ZMYM2: variants seen among roughly 807,000 people sequenced by gnomAD.
ZMYM2 encodes zinc finger MYM-type protein 2.
A neutral mutation model predicts 162.8 loss-of-function variants in ZMYM2; 56 were observed. The ratio of observed to expected loss-of-function variants is 0.34; its 90% CI spans 0.28 to 0.43. ZMYM2 has a LOEUF of 0.43. Ranked by LOEUF, ZMYM2 falls within the 20% of genes least tolerant of loss-of-function variation. ZMYM2 has a pLI of 1.00. For missense variants in ZMYM2, 1,275 were observed against 1,621.8 expected (o/e 0.79, Z 3.67); for synonymous variants, 510 against 541.6 (o/e 0.94, Z 0.81).
the ZMYM2 span, among the ~76,000 whole-genome samples, chr13:19,872,890 T>A: frequency 7.0e-4 from 107 of 151,804 alleles, 1 homozygote; most frequent in African/African-American, 2.3e-3. Flanking sequence ...TCACAGTTAT[T>A]TGGGAGGCTG....
intron 6 of ZMYM2, among the ~76,000 whole-genome samples, chr13:20,008,036 A>G (rs1438301925): frequency 6.6e-6 from 1 of 152,176 alleles, no homozygotes; most frequent in Non-Finnish European, 1.5e-5. Flanking sequence ...GCAGACTACA[A>G]TAAGATAATT....
intron 23 of ZMYM2, 36 bp from the exon 24 acceptor site, chr13:20,083,620 T>G (rs773346552): frequency 7.1e-6 from 10 of 1,418,102 alleles, no homozygotes; most frequent in African/African-American, 1.4e-5. Flanking sequence ...TCTTCAAGAT[T>G]AGTTTAGGAG....
At chr13:19,948,911 C>T in the ZMYM2 span, among the ~76,000 whole-genome samples, 11 of 152,146 alleles carry the variant, frequency 7.2e-5, no homozygotes, top group Non-Finnish European at 1.2e-4. Context: ...GTCATTTTCC[C>T]CCCCTTCGTA....
At chr13:20,011,148 C>CT (rs1484784208) in intron 6 of ZMYM2, among the ~76,000 whole-genome samples, 9 of 152,164 alleles carry the variant, frequency 5.9e-5, no homozygotes, top group African/African-American at 1.9e-4. Context: ...TGTATTCATT[C>CT]TATAGTGCTA....
At chr13:20,085,734 A>C (rs1958222353) in intron 24 of ZMYM2, 88 bp from the exon 25 acceptor site, 1 of 1,212,464 alleles carries the variant, frequency 8.2e-7, no homozygotes, top group Non-Finnish European at 1.1e-6. Context: ...TAACGTGATT[A>C]ATGGGGTCTG....
chr13:19,988,106 T>G (rs1949322078), intron 2 of ZMYM2, among the ~76,000 whole-genome samples: 1 of 152,226 alleles, frequency 6.6e-6, no homozygotes, highest in Admixed American at 6.5e-5. Context: ...ATGTGTGAGC[T>G]GCTGTTTTAT....
chr13:19,941,531 A>G, the ZMYM2 span, among the ~76,000 whole-genome samples: 171 of 152,156 alleles, frequency 1.1e-3, 1 homozygote, highest in Middle Eastern at 0.017. Flanking sequence ...GACTACAGCT[A>G]GGTGTTTTCC....
the ZMYM2 span, among the ~76,000 whole-genome samples, chr13:19,893,313 G>T: frequency 2.0e-5 from 3 of 151,568 alleles, no homozygotes; most frequent in Non-Finnish European, 4.4e-5. Flanking sequence ...TTAAAAAAAA[G>T]AAAAGAGTGT....
intron 19 of ZMYM2, 145 bp from the exon 20 acceptor site, chr13:20,066,706 A>G (rs957704241): frequency 3.0e-6 from 2 of 666,902 alleles, no homozygotes; most frequent in African/African-American, 1.9e-5. Context: ...AGAAAAACAT[A>G]CGTGTCCAAG....
chr13:19,887,398 G>A, the ZMYM2 span, among the ~76,000 whole-genome samples: 6 of 151,404 alleles, frequency 4.0e-5, no homozygotes, highest in African/African-American at 7.3e-5. Context: ...GCGTGGTGGC[G>A]GGCGCCTGTA....
chr13:20,024,679 A>G (rs1174440953), intron 7 of ZMYM2: 3 of 223,408 alleles, frequency 1.3e-5, no homozygotes, highest in East Asian at 6.6e-5. Flanking sequence ...TTAAGTCATC[A>G]AATAGACCTC....
At position 19,993,181 on chromosome 13, in the gene ZMYM2, G is replaced by A; in HGVS notation, c.109G>A (p.Gly37Ser). The change falls in exon 3 of 25, where the codon GGT (glycine) becomes AGT (serine). Residue 37 changes from glycine (G) to serine (S), a missense_variant. Physicochemically the swap from Gly to Ser is moderately conservative, Grantham distance 56. Transcript: ENST00000610343. ...SLTNVGNSFS[G>S]PANPLVSRSN... ...CACGAATGTAGGAAACTCATTTAGT[G>A]GTCCAGCTAATCCTTTAGTGTCTAG... 1 of 1,614,108 alleles carries A rather than the reference G, an allele frequency of 6.2e-7. No homozygotes were observed.
chr13:19,918,729 C>T, the ZMYM2 span, among the ~76,000 whole-genome samples: 6 of 151,822 alleles, frequency 4.0e-5, no homozygotes, highest in African/African-American at 1.5e-4. Context: ...GAACTCCTGA[C>T]CTTGGGTGAT....
At chr13:19,883,591 GTTTA>G in the ZMYM2 span, among the ~76,000 whole-genome samples, 546 of 152,262 alleles carry the variant, frequency 3.6e-3, 1 homozygote, top group African/African-American at 0.013. Context: ...CCCAGGCTAT[GTTTA>G]TTTAGTTTGG....
At chr13:20,029,005 A>G (rs1383950650) in intron 9 of ZMYM2, among the ~76,000 whole-genome samples, 1 of 152,178 alleles carries the variant, frequency 6.6e-6, no homozygotes, top group African/African-American at 2.4e-5. Context: ...CAAACCATAT[A>G]TTTTGAACTT....
intron 24 of ZMYM2, among the ~76,000 whole-genome samples, chr13:20,084,854 C>T (rs1958152732): frequency 6.6e-6 from 1 of 152,130 alleles, no homozygotes; most frequent in South Asian, 2.1e-4. Context: ...CCAGGATGGC[C>T]CTCAAGGACT....
the ZMYM2 span, among the ~76,000 whole-genome samples, chr13:19,907,292 C>T: frequency 6.6e-5 from 10 of 151,848 alleles, no homozygotes; most frequent in South Asian, 2.1e-4. Flanking sequence ...ATCTTTTATC[C>T]GGACAATAAA....
the ZMYM2 span, among the ~76,000 whole-genome samples, chr13:19,886,994 C>T: frequency 6.6e-6 from 1 of 151,724 alleles, no homozygotes; most frequent in Non-Finnish European, 1.5e-5. Context: ...TTGCTGACTG[C>T]ATTCCCCTGG....
chr13:19,911,685 G>A, the ZMYM2 span, among the ~76,000 whole-genome samples: 4 of 152,116 alleles, frequency 2.6e-5, no homozygotes, highest in African/African-American at 4.8e-5. Flanking sequence ...GTGGGCATAG[G>A]TTGTACCCAA....
Sources: allele counts gnomAD v4.1 joint callset (sites outside exome capture counted in the v4.1 genomes callset), GRCh38; gene constraint gnomAD v4.1.1; transcripts MANE v1.5; gene names NCBI Gene and HGNC (gene_info 2026-07-23, HGNC 2026-07-21).